F13A1: variants seen among roughly 807,000 people sequenced by gnomAD.
F13A1 encodes coagulation factor XIII A chain.
In F13A1, 47 loss-of-function variants were observed where a neutral mutation model predicts 80.1. The observed-to-expected ratio is 0.59, with a 90% CI of 0.46 to 0.75. The LOEUF (loss-of-function observed/expected upper bound fraction) is 0.75, where lower values mean the gene tolerates loss of function less well. Ranked by LOEUF, F13A1 falls within the 30% of genes least tolerant of loss-of-function variation. F13A1 has a pLI of 0.00. For synonymous variants in F13A1, 349 were observed against 344.9 expected (o/e 1.01, Z -0.13); for missense variants, 817 against 930.4 (o/e 0.88, Z 1.59).
At chr6:6,224,636 G>A (rs1389932246) in intron 7 of F13A1, 50 bp downstream of exon 7, 3 of 1,547,008 alleles carry the variant, frequency 1.9e-6, no homozygotes, top group Admixed American at 1.7e-5. Context: ...AAATGTCTTA[G>A]AGTGAAGTTT....
chr6:6,145,798 G>A, intron 14 of F13A1, 26 bp from the exon 15 acceptor site: 7 of 1,613,978 alleles, frequency 4.3e-6, no homozygotes, highest in South Asian at 1.1e-5. Flanking sequence ...AGAGAGGAGA[G>A]GTTGGAAGAT....
chr6:6,285,545 G>T (rs145112623), intron 3 of F13A1, among the ~76,000 whole-genome samples: 1 of 152,352 alleles, frequency 6.6e-6, no homozygotes, highest in African/African-American at 2.4e-5. Flanking sequence ...GAAGGCTAAA[G>T]AAATGCTCAT....
At chr6:6,186,158 C>T (rs958149734) in intron 10 of F13A1, among the ~76,000 whole-genome samples, 3 of 150,766 alleles carry the variant, frequency 2.0e-5, no homozygotes, top group Non-Finnish European at 4.4e-5. Flanking sequence ...AAAATTTTCT[C>T]CCATTCTGTA....
intron 6 of F13A1, among the ~76,000 whole-genome samples, chr6:6,242,565 T>C (rs1298798771): frequency 6.6e-6 from 1 of 152,226 alleles, no homozygotes; most frequent in East Asian, 1.9e-4. Flanking sequence ...TTCTCATTAA[T>C]ATTACCTTTT....
intron 6 of F13A1, among the ~76,000 whole-genome samples, chr6:6,232,947 C>A (rs568798590): frequency 6.6e-6 from 1 of 152,122 alleles, no homozygotes; most frequent in Admixed American, 6.5e-5. Context: ...TGGGATACAG[C>A]AAAGGCAGTG....
In F13A1 at chr6:6,150,000, GCACTGTGTAATAATT is replaced by G. The variant is rs1301085562; in HGVS notation, c.2045+1798_2045+1812del. Among the ~76,000 whole-genome samples, 122 of 152,322 alleles carry G rather than the reference GCACTGTGTAATAATT, an allele frequency of 8.0e-4. 1 individual carries two copies. The highest frequency in any genetic ancestry group is 2.9e-3 in the African/African-American group (120 of 41,574). ...GAGGCCTCCCAAATAGTGGGTCATT[GCACTGTGTAATAATT>G]CACTGTGTAATAATTCATCTTTTGT... On this transcript the variant is annotated intron_variant, in intron 14 of 14. Transcript: ENST00000264870.
intron 10 of F13A1, among the ~76,000 whole-genome samples, chr6:6,185,883 G>A (rs2151078499): frequency 6.6e-6 from 1 of 151,340 alleles, no homozygotes; most frequent in Non-Finnish European, 1.5e-5. Context: ...TCCAGCACCT[G>A]TTGTTTCCTG....
intron 10 of F13A1, among the ~76,000 whole-genome samples, chr6:6,186,587 T>C (rs1761083860): frequency 1.3e-5 from 2 of 152,266 alleles, no homozygotes; most frequent in Non-Finnish European, 2.9e-5. Context: ...TCTATATCTC[T>C]ATTTTGGTAC....
Position 6,174,795 on chromosome 6 carries a change from CCTT to C in F13A1, c.1529_1531del (p.Glu510del), listed in dbSNP as rs764441540. The C allele has an allele frequency of 8.7e-6, 14 of 1,614,174 alleles. No homozygotes were observed. The highest frequency in any genetic ancestry group is 1.2e-5 in the Non-Finnish European group (14 of 1,180,038). On this transcript the variant is annotated inframe_deletion, in exon 12 of 15. Coordinates refer to ENST00000264870, the MANE Select transcript of F13A1 (RefSeq NM_000129.4). Reference sequence around the variant, plus strand: ...AACGTTGGACCTTGATTTCATGACACCTTCTGTGTTGAGGGGCTTTTTAGCTCC... The same window carrying C: ...AACGTTGGACCTTGATTTCATGACACCTGTGTTGAGGGGCTTTTTAGCTCC...
In F13A1 at chr6:6,167,313, C is replaced by A. The variant is rs1338452064; in HGVS notation, c.1908+145G>T. On this transcript the variant is annotated intron_variant, in intron 13 of 14. Coordinates refer to ENST00000264870, the MANE Select transcript of F13A1 (RefSeq NM_000129.4). ...TACTTCTTTCAAAGAACAAGAGGAT[C>A]CTAGCACTGGTATTTTTTTTTTTTT... is the stretch of plus-strand genomic sequence containing the variant. The A allele has an allele frequency of 3.2e-6, 3 of 949,944 alleles. No individual in the cohort carries two copies. In the African/African-American group the frequency reaches 5.3e-5, roughly 17 times the overall value. The allele number at this position is 949,944 out of a possible 1,614,324, so 58.8% of individuals were successfully genotyped here. A position where few individuals can be genotyped will look rare whatever the true frequency, so the allele number is the denominator to read the frequency against.
chr6:6,155,662 G>T (rs531266960), intron 13 of F13A1, among the ~76,000 whole-genome samples: 57 of 152,066 alleles, frequency 3.7e-4, no homozygotes, highest in African/African-American at 1.3e-3. Context: ...ACTGTGTTCT[G>T]CTTGGGAAAT....
Position 6,197,268 on chromosome 6 carries a change from C to A in F13A1, c.1171G>T (p.Gly391Ter). ...GTGCTGTCCACAGCTTGCCAGCCTC[C>A]AAATCCAACAGGAAGGTCAGGCCTT... ...MTRPDLPVGF[G>*]GWQAVDSTPQ... The change falls in exon 9 of 15, where the codon GGA (glycine) becomes TGA (stop). Residue 391 changes from glycine (G) to a stop codon, truncating the protein, a stop_gained. Coordinates refer to ENST00000264870, the MANE Select transcript of F13A1 (RefSeq NM_000129.4). LOFTEE classifies it high-confidence loss of function. 6.2e-7 allele frequency: 1 copy of A among 1,614,206 alleles called. No individual in the cohort carries two copies. The highest frequency in any genetic ancestry group is 8.5e-7 in the Non-Finnish European group (1 of 1,180,030).
upstream of F13A1, chr6:6,320,662 C>CAAA (rs750380107): frequency 8.9e-5 from 42 of 469,866 alleles, no homozygotes; most frequent in Admixed American, 2.4e-5. Flanking sequence ...CAAACGGACT[C>CAAA]GGGAAAGACA....
Position 6,248,303 on chromosome 6 carries a change from G to T in F13A1, c.798+9C>A, listed in dbSNP as rs1487137350. The stretch of plus-strand genomic sequence containing the variant: ...TAACAGATTTTAGGTATCAGTAATT[G>T]CTGCTTACCATTGCAGACCCCACAC... On this transcript the variant is annotated intron_variant, in intron 6 of 14. Transcript: ENST00000264870. 2.5e-6 allele frequency: 4 copies of T among 1,610,324 alleles called. No individual in the cohort carries two copies. The highest frequency in any genetic ancestry group is 1.7e-4 in the Middle Eastern group (1 of 6,050).
intron 6 of F13A1, among the ~76,000 whole-genome samples, chr6:6,244,747 G>A (rs529692194): frequency 1.2e-4 from 19 of 152,150 alleles, no homozygotes; most frequent in East Asian, 7.7e-4. Context: ...ACAAAGATGC[G>A]AGGCCAGCAG....
intron 10 of F13A1, among the ~76,000 whole-genome samples, chr6:6,190,510 G>C (rs1027805123): frequency 6.7e-6 from 1 of 150,288 alleles, no homozygotes. Context: ...TCCCCTGCTG[G>C]GGGGTGCCTC....
intron 2 of F13A1, among the ~76,000 whole-genome samples, chr6:6,311,648 T>TAAAAACA (rs1203959020): frequency 2.7e-5 from 4 of 147,208 alleles, no homozygotes; most frequent in African/African-American, 9.9e-5. Context: ...TGTTTATATA[T>TAAAAACA]TATATATTGT....
intron 3 of F13A1, 72 bp from the exon 4 acceptor site, chr6:6,266,881 T>C: frequency 6.3e-7 from 1 of 1,597,700 alleles, no homozygotes; most frequent in Non-Finnish European, 8.6e-7. Context: ...TCTGTTATCT[T>C]ATAGCTGAAG....
chr6:6,284,908 G>A (rs967180673), intron 3 of F13A1, among the ~76,000 whole-genome samples: 4 of 152,140 alleles, frequency 2.6e-5, no homozygotes, highest in African/African-American at 7.2e-5. Flanking sequence ...TCGGCCAGTC[G>A]TGTCACACAT....
Sources: gnomAD v4.1 joint callset for allele counts (sites outside exome capture counted in the v4.1 genomes callset) on GRCh38, gnomAD v4.1.1 for gene constraint, MANE v1.5 for transcripts, NCBI Gene and HGNC (gene_info 2026-07-23, HGNC 2026-07-21) for gene names.